Variants in SLC35B4 observed in about 807,000 individuals in gnomAD.
The protein encoded by SLC35B4 is solute carrier family 35 member B4, also known as nucleotide sugar transporter SLC35B4.
In SLC35B4, 28 loss-of-function variants were observed where a neutral mutation model predicts 39.5. The observed-to-expected ratio is 0.71, with a 90% confidence interval of 0.53 to 0.97. The LOEUF is 0.97. SLC35B4 is among the 50% of genes least tolerant of loss of function. The pLI is 0.00. For synonymous variants in SLC35B4, 145 were observed against 150.4 expected, an observed-to-expected ratio of 0.96 and a Z score of 0.26; for missense variants, 334 against 414.3, an observed-to-expected ratio of 0.81 and a Z score of 1.68.
At chr7:134,295,178 A>T in intron 9 of SLC35B4, 99 bp from the exon 10 acceptor site, 1 of 1,480,796 alleles carries the variant, frequency 6.8e-7, no homozygotes, top group Non-Finnish European at 9.1e-7. Context: ...CTCATATTCT[A>T]AGAAAACATG....
In SLC35B4 at chr7:134,300,242, A is replaced by G; in HGVS notation, c.507T>C (p.Phe169=). The part of the protein sequence containing the change: ...WWLLGIGALT[F]ALLMSARMGI... ...CCATCCTTGCTGACATCAGAAGAGCAAAAGTCAATGCCCCAATACCTAAAA... is the reference window on the plus strand; with the variant it reads ...CCATCCTTGCTGACATCAGAAGAGCGAAAGTCAATGCCCCAATACCTAAAA... Residue 169 remains phenylalanine, a synonymous_variant, in exon 7 of 10, where the codon TTT becomes TTC. Transcript: ENST00000378509. 6.2e-7 allele frequency: 1 copy of G among 1,611,564 alleles called. No homozygotes were observed. Among genetic ancestry groups the G allele is most frequent in the Non-Finnish European group, 8.5e-7 (1 of 1,179,340 alleles).
In SLC35B4 at chr7:134,292,507, A is replaced by C. The variant is rs1803354754; in HGVS notation, c.*2326T>G. ...GCTCTAAGACCAGACGCGAAAACCT[A>C]ATGGGCCCAAGTACTGTCTGTGAAC... On this transcript the variant is annotated 3_prime_UTR_variant, in exon 10 of 10. Transcript: ENST00000378509. 1 of 152,086 alleles carries C rather than the reference A, an allele frequency of 6.6e-6. No homozygotes were observed. The highest frequency in any genetic ancestry group is 2.1e-4 in the South Asian group (1 of 4,818). 9.4% of individuals were successfully genotyped at this position (152,086 alleles called of 1,614,324 possible). A position where few individuals can be genotyped will look rare whatever the true frequency, so the allele number is the denominator to read the frequency against.
chr7:134,303,766 TAA>T (rs1803645196), intron 4 of SLC35B4, among the ~76,000 whole-genome samples: 1 of 152,214 alleles, frequency 6.6e-6, no homozygotes, highest in African/African-American at 2.4e-5. Context: ...CTTTCCCTGA[TAA>T]ATTTCCCAAA....
At chr7:134,311,688 T>C (rs1803844812) in intron 1 of SLC35B4, among the ~76,000 whole-genome samples, 1 of 152,032 alleles carries the variant, frequency 6.6e-6, no homozygotes, top group African/African-American at 2.4e-5. Context: ...AAAACCTATT[T>C]ACCCAAAGAG....
At chr7:134,308,941 C>T (rs1368942420) in intron 2 of SLC35B4, among the ~76,000 whole-genome samples, 1 of 152,116 alleles carries the variant, frequency 6.6e-6, no homozygotes, top group East Asian at 1.9e-4. Context: ...AATTCCGTGG[C>T]ATTTAGTACA....
chr7:134,314,593 T>C (rs1031441653), intron 1 of SLC35B4, among the ~76,000 whole-genome samples: 8 of 152,188 alleles, frequency 5.3e-5, no homozygotes, highest in African/African-American at 1.9e-4. Flanking sequence ...TGGAGTGCAA[T>C]GGTGCTATCT....
chr7:134,299,009 C>T (rs1457816254), intron 8 of SLC35B4, among the ~76,000 whole-genome samples: 1 of 152,202 alleles, frequency 6.6e-6, no homozygotes, highest in African/African-American at 2.4e-5. Flanking sequence ...TTACACTAGA[C>T]GCTTGAAACT....
chr7:134,318,603 A>G (rs1484809927), upstream of SLC35B4, among the ~76,000 whole-genome samples: 4 of 152,206 alleles, frequency 2.6e-5, no homozygotes, highest in Non-Finnish European at 5.9e-5. Context: ...CTCCACTATC[A>G]ATAATCCTGC....
chr7:134,300,795 C>T (rs1207648648), intron 6 of SLC35B4, among the ~76,000 whole-genome samples: 1 of 152,062 alleles, frequency 6.6e-6, no homozygotes, highest in Non-Finnish European at 1.5e-5. Context: ...TCCATAAATG[C>T]TGTGTCCATT....
At chr7:134,310,993 C>T (rs568312549) in intron 1 of SLC35B4, among the ~76,000 whole-genome samples, 1 of 152,304 alleles carries the variant, frequency 6.6e-6, no homozygotes, top group East Asian at 1.9e-4. Flanking sequence ...CCAAGATATA[C>T]AAGTCCTTAA....
At chr7:134,299,284 CA>C in intron 8 of SLC35B4, 1 of 428,062 alleles carries the variant, frequency 2.3e-6, no homozygotes, top group East Asian at 4.0e-5. Flanking sequence ...TGCAAACACA[CA>C]AATTCCAAAG....
At chr7:134,318,509 G>T (rs952492962), upstream of SLC35B4, among the ~76,000 whole-genome samples, 1 of 151,582 alleles carries the variant, frequency 6.6e-6, no homozygotes, top group Non-Finnish European at 1.5e-5. Flanking sequence ...TATATATACA[G>T]GTATATAATA....
chr7:134,318,492 T>A (rs1412780183), upstream of SLC35B4, among the ~76,000 whole-genome samples: 3 of 150,358 alleles, frequency 2.0e-5, no homozygotes, highest in South Asian at 4.2e-4. Context: ...TATATATATA[T>A]AACTGGTATA....
intron 8 of SLC35B4, 81 bp downstream of exon 8, chr7:134,299,442 G>C: frequency 8.9e-7 from 1 of 1,118,898 alleles, no homozygotes. Context: ...TTATGAAAAA[G>C]GCCGAGGTCA....
At chr7:134,316,629 C>A in intron 1 of SLC35B4, 46 bp downstream of exon 1, 15 of 1,542,454 alleles carry the variant, frequency 9.7e-6, no homozygotes, top group Non-Finnish European at 1.3e-5. Flanking sequence ...CTGGCTTCCT[C>A]CGCCCCGCCC....
intron 4 of SLC35B4, among the ~76,000 whole-genome samples, chr7:134,303,340 C>G (rs1382335801): frequency 6.6e-6 from 1 of 152,126 alleles, no homozygotes; most frequent in Non-Finnish European, 1.5e-5. Context: ...ATAACATGTT[C>G]TTTTGTATCC....
intron 1 of SLC35B4, among the ~76,000 whole-genome samples, chr7:134,313,090 C>G (rs1401885652): frequency 6.6e-6 from 1 of 152,138 alleles, no homozygotes; most frequent in East Asian, 1.9e-4. Flanking sequence ...ACTTATGAAG[C>G]CTTTTCGAAA....
chr7:134,302,955 G>C (rs1338085803), intron 4 of SLC35B4, among the ~76,000 whole-genome samples: 1 of 152,018 alleles, frequency 6.6e-6, no homozygotes, highest in East Asian at 1.9e-4. Flanking sequence ...GCGGAGGTAC[G>C]GTAAAAAATA....
At chr7:134,300,550 T>A (rs113681899) in intron 6 of SLC35B4, among the ~76,000 whole-genome samples, 2 of 152,356 alleles carry the variant, frequency 1.3e-5, no homozygotes, top group African/African-American at 4.8e-5. Flanking sequence ...GAATTTTGCT[T>A]CAAATCAGTC....
Sources: allele counts gnomAD v4.1 joint callset (sites outside exome capture counted in the v4.1 genomes callset), GRCh38; gene constraint gnomAD v4.1.1; transcripts MANE v1.5; gene names NCBI Gene and HGNC (gene_info 2026-07-23, HGNC 2026-07-21).